PARVA: variants seen among roughly 807,000 people sequenced by gnomAD.
PARVA encodes the protein alpha-parvin.
PARVA carries 25 observed loss-of-function variants against 52.6 expected under a neutral mutation model. The ratio of observed to expected loss-of-function variants is 0.48; its 90% CI spans 0.35 to 0.66. The LOEUF (loss-of-function observed/expected upper bound fraction) is 0.66. Ranked by LOEUF, PARVA falls within the 30% of genes least tolerant of loss-of-function variation. The pLI, the probability that PARVA is intolerant of heterozygous loss-of-function variation, is 0.01. For synonymous variants in PARVA, 185 were observed against 179.1 expected, an observed-to-expected ratio of 1.03 and a Z score of -0.26; for missense variants, 373 against 450.9, an observed-to-expected ratio of 0.83 and a Z score of 1.56.
At chr11:12,494,642 A>G (rs1941274565) in intron 4 of PARVA, among the ~76,000 whole-genome samples, 1 of 151,892 alleles carries the variant, frequency 6.6e-6, no homozygotes, top group Non-Finnish European at 1.5e-5. Context: ...ATTTCTTCTT[A>G]TGTCACACCA....
chr11:12,506,180 G>GT (rs371397561), intron 6 of PARVA, among the ~76,000 whole-genome samples: 98 of 151,276 alleles, frequency 6.5e-4, no homozygotes, highest in African/African-American at 2.1e-3. Flanking sequence ...AATATAGTCT[G>GT]TTTTTTTTTA....
At position 12,473,840 on chromosome 11, in the gene PARVA, T is replaced by C. The variant is rs765982351; in HGVS notation, c.226+6T>C. ...CCCCGAGGACACGATGCTGGGTAACTGTGCTCTTGTCTCTGAATTCGCTTA... is the reference window on the plus strand; with the variant it reads ...CCCCGAGGACACGATGCTGGGTAACCGTGCTCTTGTCTCTGAATTCGCTTA... On this transcript the variant is annotated splice_donor_region_variant and intron_variant, in intron 2 of 12. Transcript: ENST00000334956. The C allele has an allele frequency of 1.3e-6, 2 of 1,566,976 alleles. No homozygotes were observed. The highest frequency in any genetic ancestry group is 1.4e-5 in the African/African-American group (1 of 73,686).
chr11:12,457,434 A>G (rs1325861372), intron 1 of PARVA, among the ~76,000 whole-genome samples: 1 of 152,238 alleles, frequency 6.6e-6, no homozygotes, highest in Non-Finnish European at 1.5e-5. Context: ...AAGAGGCCTA[A>G]GTTATAAGCA....
chr11:12,477,319 T>G (rs1194657879), intron 3 of PARVA: 1 of 153,768 alleles, frequency 6.5e-6, no homozygotes, highest in Non-Finnish European at 1.4e-5. Flanking sequence ...GGTCTCAAAC[T>G]CCTGACCTCA....
intron 8 of PARVA, among the ~76,000 whole-genome samples, chr11:12,511,823 C>G (rs757716485): frequency 7.2e-5 from 11 of 152,094 alleles, no homozygotes; most frequent in Non-Finnish European, 1.3e-4. Context: ...ACGATTACAC[C>G]CCCTGGGACC....
In PARVA at chr11:12,532,968, G is replaced by A. The variant is rs1033866677; in HGVS notation, c.*5043G>A. Among the ~76,000 whole-genome samples, 3 of 152,210 alleles carry A rather than the reference G, an allele frequency of 2.0e-5. No homozygotes were observed. The highest frequency in any genetic ancestry group is 4.8e-5 in the African/African-American group (2 of 41,452). On this transcript the variant is annotated 3_prime_UTR_variant, in exon 13 of 13. Coordinates refer to ENST00000334956, the MANE Select transcript of PARVA (RefSeq NM_018222.5). ...CTGGGGAAAGCTACGTCAGCAATAT[G>A]GAGTCTGGGGTTGCCTTTCTCATGT...
intron 4 of PARVA, among the ~76,000 whole-genome samples, chr11:12,484,423 G>A (rs1941130039): frequency 6.6e-6 from 1 of 152,060 alleles, no homozygotes; most frequent in Admixed American, 6.6e-5. Context: ...ACATGTGACT[G>A]AAACAGGATA....
intron 4 of PARVA, chr11:12,480,823 A>AG (rs1941076647): frequency 6.6e-6 from 1 of 151,796 alleles, no homozygotes; most frequent in Non-Finnish European, 1.5e-5. Flanking sequence ...AAAAAAAAAA[A>AG]AAAAAAAATG....
intron 1 of PARVA, among the ~76,000 whole-genome samples, chr11:12,440,999 C>T (rs996709852): frequency 2.6e-5 from 4 of 152,198 alleles, no homozygotes; most frequent in Non-Finnish European, 5.9e-5. Context: ...CATGATATCT[C>T]ATCACATTCA....
chr11:12,400,418 G>A (rs191374065), intron 1 of PARVA, among the ~76,000 whole-genome samples: 1 of 152,224 alleles, frequency 6.6e-6, no homozygotes, highest in Admixed American at 6.5e-5. Context: ...ACTTCAGATT[G>A]GAGGGCAAGT....
intron 1 of PARVA, among the ~76,000 whole-genome samples, chr11:12,412,625 G>C (rs930623659): frequency 6.6e-6 from 1 of 152,196 alleles, no homozygotes. Flanking sequence ...GCAAGGACAG[G>C]ATGTACCAGC....
intron 1 of PARVA, among the ~76,000 whole-genome samples, chr11:12,425,013 C>G (rs1288277726): frequency 6.6e-6 from 1 of 152,168 alleles, no homozygotes; most frequent in Admixed American, 6.5e-5. Context: ...CATGCTCTGT[C>G]TCCCCCTCTT....
At chr11:12,413,076 C>T (rs1940014091) in intron 1 of PARVA, among the ~76,000 whole-genome samples, 1 of 152,200 alleles carries the variant, frequency 6.6e-6, no homozygotes, top group African/African-American at 2.4e-5. Flanking sequence ...CAACTCTGTG[C>T]CAGGCATTGG....
chr11:12,420,902 C>A (rs1460780814), intron 1 of PARVA, among the ~76,000 whole-genome samples: 1 of 152,142 alleles, frequency 6.6e-6, no homozygotes, highest in Non-Finnish European at 1.5e-5. Flanking sequence ...CCTCTTCACA[C>A]CACCCCACCC....
At position 12,399,057 on chromosome 11, in the gene PARVA, A is replaced by G. The variant is rs561760528; in HGVS notation, c.136+21274A>G. ...CACAGAGAGGTTGAGCAACTAGCCC[A>G]TAGTTAGTAAATGGTGGAGCCAGGA... On this transcript the variant is annotated intron_variant, in intron 1 of 12. Coordinates refer to ENST00000334956, the MANE Select transcript of PARVA (RefSeq NM_018222.5). 2.0e-5 allele frequency among the ~76,000 whole-genome samples: 3 copies of G among 152,350 alleles called. No homozygotes were observed. In the South Asian group the frequency reaches 6.2e-4, roughly 32 times the overall value.
At chr11:12,493,506 A>G (rs1941258286) in intron 4 of PARVA, among the ~76,000 whole-genome samples, 1 of 152,152 alleles carries the variant, frequency 6.6e-6, no homozygotes, top group Non-Finnish European at 1.5e-5. Flanking sequence ...CCCAAAGCAT[A>G]ATGACTAAAA....
At chr11:12,393,043 TG>T (rs1565325539) in intron 1 of PARVA, among the ~76,000 whole-genome samples, 52 of 78,534 alleles carry the variant, frequency 6.6e-4, no homozygotes, top group African/African-American at 1.1e-3. Flanking sequence ...CCCCAAATTG[TG>T]AAAAAAAAAA....
At chr11:12,458,065 C>T (rs1237131873) in intron 1 of PARVA, among the ~76,000 whole-genome samples, 1 of 152,218 alleles carries the variant, frequency 6.6e-6, no homozygotes, top group African/African-American at 2.4e-5. Flanking sequence ...CTCAATCATT[C>T]TGTAAGACTG....
intron 6 of PARVA, among the ~76,000 whole-genome samples, chr11:12,507,837 C>T (rs1248122173): frequency 2.6e-5 from 4 of 152,148 alleles, no homozygotes; most frequent in Non-Finnish European, 4.4e-5. Context: ...TTGACTTTAG[C>T]TCCTCAAGGG....
Sources: allele counts gnomAD v4.1 joint callset (sites outside exome capture counted in the v4.1 genomes callset), GRCh38; gene constraint gnomAD v4.1.1; transcripts MANE v1.5; gene names NCBI Gene and HGNC (gene_info 2026-07-23, HGNC 2026-07-21).